MED13: variants seen among roughly 807,000 people sequenced by gnomAD.
MED13 encodes the protein mediator complex subunit 13.
Under a neutral mutation model 225.2 loss-of-function variants are expected in MED13, and 23 were observed. That is an observed-to-expected ratio of 0.10 (90% confidence interval 0.07 to 0.14). The LOEUF (loss-of-function observed/expected upper bound fraction) is 0.14. MED13 is among the 10% of genes least tolerant of loss of function. The pLI is 1.00. For missense variants in MED13, 2,197 were observed against 2,594.5 expected, an observed-to-expected ratio of 0.85 and a Z score of 3.33; for synonymous variants, 942 against 889.2, an observed-to-expected ratio of 1.06 and a Z score of -1.06.
rs559373674 is a variant in MED13, at chr17:61,964,613, T to C, written c.4844+393A>G. On this transcript the variant is annotated intron_variant, in intron 20 of 29. Coordinates refer to ENST00000397786, the MANE Select transcript of MED13 (RefSeq NM_005121.3). ...TCAAGACTAAGATAAAAAAGCACTT[T>C]ATGCTCATTCAAAACGTCTTATTTA... is the stretch of plus-strand genomic sequence containing the variant. 3.3e-5 allele frequency among the ~76,000 whole-genome samples: 5 copies of C among 152,054 alleles called. No individual in the cohort carries two copies. In the South Asian group the frequency reaches 8.3e-4, roughly 25 times the overall value.
intron 2 of MED13, among the ~76,000 whole-genome samples, chr17:62,054,909 A>G (rs1475375343): frequency 6.6e-6 from 1 of 152,212 alleles, no homozygotes; most frequent in African/African-American, 2.4e-5. Context: ...TATTTCTCCT[A>G]AGTTTTAAAG....
At chr17:62,005,321 C>T (rs1280459755) in intron 9 of MED13, 1 of 152,166 alleles carries the variant, frequency 6.6e-6, no homozygotes, top group Admixed American at 6.5e-5. Flanking sequence ...AAAATAAAAT[C>T]ATAGATGGGC....
intron 9 of MED13, among the ~76,000 whole-genome samples, chr17:61,995,974 A>G (rs1285075368): frequency 6.6e-6 from 1 of 152,188 alleles, no homozygotes; most frequent in Non-Finnish European, 1.5e-5. Context: ...TGGCACATCA[A>G]TTTTTAAGTT....
intron 9 of MED13, among the ~76,000 whole-genome samples, chr17:62,008,343 A>AAAAAAAAAAAT (rs1567974290): frequency 6.7e-6 from 1 of 149,872 alleles, no homozygotes; most frequent in Non-Finnish European, 1.5e-5. Flanking sequence ...AAAAAAAAAA[A>AAAAAAAAAAAT]TTGAGTTAGC....
chr17:62,047,055 C>T (rs1188521702), intron 3 of MED13, among the ~76,000 whole-genome samples: 1 of 148,414 alleles, frequency 6.7e-6, no homozygotes, highest in African/African-American at 2.5e-5. Context: ...TTTAAAGAGA[C>T]GGGGGTCTGC....
At chr17:61,967,815 T>C (rs2080072213) in intron 18 of MED13, among the ~76,000 whole-genome samples, 1 of 152,164 alleles carries the variant, frequency 6.6e-6, no homozygotes, top group South Asian at 2.1e-4. Flanking sequence ...CCCTCAATGT[T>C]TCTTCCTCCT....
At chr17:61,989,044 C>T (rs537517051) in intron 11 of MED13, among the ~76,000 whole-genome samples, 235 of 150,694 alleles carry the variant, frequency 1.6e-3, no homozygotes, top group African/African-American at 5.5e-3. Flanking sequence ...CAGAGTCTCG[C>T]TCTGTCGCCC....
intron 26 of MED13, 31 bp downstream of exon 26, chr17:61,955,351 T>G: frequency 6.8e-7 from 1 of 1,470,322 alleles, no homozygotes; most frequent in East Asian, 2.4e-5. Flanking sequence ...GGGGTATTCT[T>G]CAGACTACCA....
intron 2 of MED13, among the ~76,000 whole-genome samples, chr17:62,054,863 G>GT (rs576657972): frequency 6.6e-6 from 1 of 152,066 alleles, no homozygotes; most frequent in South Asian, 2.1e-4. Context: ...TCTGATGGTT[G>GT]TAACACTTGT....
chr17:62,042,214 C>T (rs1022301928), intron 3 of MED13, among the ~76,000 whole-genome samples: 6 of 152,130 alleles, frequency 3.9e-5, no homozygotes, highest in Non-Finnish European at 7.3e-5. Flanking sequence ...CCTGTGAATC[C>T]TGTACATATT....
chr17:61,997,047 T>C (rs1018116662), intron 9 of MED13, among the ~76,000 whole-genome samples: 6 of 152,128 alleles, frequency 3.9e-5, no homozygotes, highest in Non-Finnish European at 7.4e-5. Flanking sequence ...TTATCTACTC[T>C]GAGTACTAAG....
In MED13 at chr17:61,973,289, A is replaced by G. The variant is rs567131073; in HGVS notation, c.3806-401T>C. ...TCATTAGCACTACTATGGTAAAGTG[A>G]ATAAAGACTGGTCATAATTATTAAA... is the stretch of plus-strand genomic sequence containing the variant. On this transcript the variant is annotated intron_variant, in intron 16 of 29. Transcript: ENST00000397786. Among the ~76,000 whole-genome samples, 8 of 152,352 alleles carry G rather than the reference A, an allele frequency of 5.3e-5. No individual in the cohort carries two copies. In the East Asian group the frequency reaches 1.5e-3, roughly 29 times the overall value.
intron 3 of MED13, among the ~76,000 whole-genome samples, chr17:62,050,706 A>G (rs144012670): frequency 1.3e-5 from 2 of 152,164 alleles, no homozygotes; most frequent in African/African-American, 4.8e-5. Flanking sequence ...TTAAAACTAC[A>G]TAAATCTATA....
At chr17:62,022,629 T>C (rs2080660277) in intron 8 of MED13, among the ~76,000 whole-genome samples, 1 of 151,660 alleles carries the variant, frequency 6.6e-6, no homozygotes, top group South Asian at 2.1e-4. Context: ...TTTTAAACAA[T>C]GAAGCAGAGC....
chr17:61,982,202 T>C lies in MED13; in HGVS notation c.3801A>G (p.Arg1267=). The change falls in exon 16 of 30, where the codon AGA becomes AGG. Residue 1267 remains arginine, a synonymous_variant. Transcript: ENST00000397786. The part of the protein sequence containing the change: ...KSSCLHPWSK[R]NDVSMQCSQD... ...TATTTTATTGGCATACTTTACCGTT[T>C]CTTTTGGACCAGGGGTGTAAGCATG... The C allele has an allele frequency of 1.9e-6, 3 of 1,598,238 alleles. No individual in the cohort carries two copies. Among genetic ancestry groups the C allele is most frequent in the East Asian group, 4.5e-5 (2 of 44,714 alleles).
chr17:62,022,973 G>A (rs931262875), intron 8 of MED13, among the ~76,000 whole-genome samples: 66 of 152,042 alleles, frequency 4.3e-4, no homozygotes, highest in African/African-American at 1.6e-3. Context: ...TTTCATCACT[G>A]CACTCCAGCC....
At chr17:62,053,836 A>G (rs1171166516) in intron 2 of MED13, among the ~76,000 whole-genome samples, 1 of 152,246 alleles carries the variant, frequency 6.6e-6, no homozygotes, top group East Asian at 1.9e-4. Flanking sequence ...CACATGGTTT[A>G]TATGCACAAT....
intron 11 of MED13, among the ~76,000 whole-genome samples, chr17:61,989,126 C>T (rs567845989): frequency 5.5e-4 from 83 of 151,562 alleles, no homozygotes; most frequent in African/African-American, 1.9e-3. Flanking sequence ...ATTCTCCTGC[C>T]TCAGCTCCCA....
At chr17:61,978,048 T>G (rs551270263) in intron 16 of MED13, among the ~76,000 whole-genome samples, 1 of 152,210 alleles carries the variant, frequency 6.6e-6, no homozygotes, top group African/African-American at 2.4e-5. Context: ...GGCAAATAAG[T>G]TGGTTCTTAA....
Sources: allele counts gnomAD v4.1 joint callset (sites outside exome capture counted in the v4.1 genomes callset), GRCh38; gene constraint gnomAD v4.1.1; transcripts MANE v1.5; gene names NCBI Gene and HGNC (gene_info 2026-07-23, HGNC 2026-07-21).